Variants in GRP observed in about 807,000 individuals in gnomAD.
GRP encodes the protein gastrin-releasing peptide.
GRP carries 11 observed loss-of-function variants against 12.7 expected under a neutral mutation model. The observed-to-expected ratio is 0.87, with a 90% confidence interval of 0.55 to 1.44. GRP has a LOEUF of 1.44. Ranked by LOEUF, GRP falls within the 40% of genes most tolerant of loss-of-function variation. The pLI, the probability that GRP is intolerant of heterozygous loss-of-function variation, is 0.00. For synonymous variants in GRP, 84 were observed against 77.7 expected (o/e 1.08, Z -0.43); for missense variants, 212 against 185.4 (o/e 1.14, Z -0.83).
chr18:59,222,669 A>G (rs1267945179), intron 1 of GRP, among the ~76,000 whole-genome samples: 1 of 152,222 alleles, frequency 6.6e-6, no homozygotes, highest in Non-Finnish European at 1.5e-5. Context: ...TTTAGTTTTA[A>G]TTATATAAAA....
At chr18:59,224,210 G>A (rs2069878569) in intron 1 of GRP, among the ~76,000 whole-genome samples, 1 of 152,124 alleles carries the variant, frequency 6.6e-6, no homozygotes. Context: ...TCCTAAAATA[G>A]TTGCTTACAT....
Position 59,230,472 on chromosome 18 carries a change from T to C in GRP, c.*4T>C, listed in dbSNP as rs777641609. ...CCCCCAGCTGAACCAGCAATGATAA[T>C]GATGGCCTCTCTCAAAAGAGAAAAA... On this transcript the variant is annotated 3_prime_UTR_variant, in exon 3 of 3. Coordinates refer to ENST00000256857, the MANE Select transcript of GRP (RefSeq NM_002091.5). 7.8e-6 allele frequency: 12 copies of C among 1,545,882 alleles called. No homozygotes were observed. The highest frequency in any genetic ancestry group is 2.2e-5 in the East Asian group (1 of 44,598).
chr18:59,221,800 C>T (rs2069840281), intron 1 of GRP, among the ~76,000 whole-genome samples: 2 of 152,036 alleles, frequency 1.3e-5, no homozygotes, highest in African/African-American at 2.4e-5. Context: ...TGAGGGAAGT[C>T]GAGATCTTTG....
intron 2 of GRP, among the ~76,000 whole-genome samples, chr18:59,227,024 T>TCTTCCTTC: frequency 6.9e-6 from 1 of 145,308 alleles, no homozygotes; most frequent in East Asian, 2.0e-4. Context: ...TTTCTTTCTT[T>TCTTCCTTC]CTTTCTTTCT....
At position 59,220,316 on chromosome 18, in the gene GRP, G is replaced by A. The variant is rs1042431; in HGVS notation, c.51G>A (p.Leu17=). Residue 17 remains leucine, a synonymous_variant, in exon 1 of 3, where the codon CTG becomes CTA. Coordinates refer to ENST00000256857, the MANE Select transcript of GRP (RefSeq NM_002091.5). ...PLVLLALVLC[L]APRGRAVPLP... ...TCCTGCTGGCGCTGGTCCTCTGCCT[G>A]GCGCCCCGGGGGCGAGCGGTCCCGC... 1 of 1,500,732 alleles carries A rather than the reference G, an allele frequency of 6.7e-7. No individual in the cohort carries two copies. Among genetic ancestry groups the A allele is most frequent in the Admixed American group, 2.1e-5 (1 of 47,344 alleles). 93.0% of individuals were successfully genotyped at this position (1,500,732 alleles called of 1,614,324 possible). A position where few individuals can be genotyped will look rare whatever the true frequency, so the allele number is the denominator to read the frequency against.
chr18:59,230,299 C>A (rs2070011211), intron 2 of GRP, 105 bp from the exon 3 acceptor site: 1 of 742,548 alleles, frequency 1.3e-6, no homozygotes, highest in African/African-American at 1.7e-5. Flanking sequence ...ATTTGCCTTT[C>A]TAACAAGCTC....
At chr18:59,220,478 C>T in intron 1 of GRP, 74 bp downstream of exon 1, 1 of 1,258,402 alleles carries the variant, frequency 7.9e-7, no homozygotes, top group Non-Finnish European at 1.0e-6. Flanking sequence ...CCTGTCTCCC[C>T]ATTTCTTTGC....
At position 59,230,288 on chromosome 18, in the gene GRP, A is replaced by T. The variant is rs780077629; in HGVS notation, c.383-116A>T. On this transcript the variant is annotated intron_variant, in intron 2 of 2. Coordinates refer to ENST00000256857, the MANE Select transcript of GRP (RefSeq NM_002091.5). ...TTAGTAGGTGTTAGGCTGAACCAAG[A>T]ATTTGCCTTTCTAACAAGCTCCCAA... 4.7e-4 allele frequency: 331 copies of T among 702,958 alleles called. 2 individuals are homozygous for T. Among genetic ancestry groups the T allele is most frequent in the Non-Finnish European group, 1.0e-4 (40 of 387,720 alleles). The allele number at this position is 702,958 out of a possible 1,614,324, so 43.5% of individuals were successfully genotyped here.
chr18:59,220,269 C>G lies in GRP; in HGVS notation c.4C>G (p.Arg2Gly), dbSNP rs1433318595. M[R>G]GRELPLVLLA... Reference sequence around the variant, plus strand: ...CCAAGGGCTTCCCGTCGGGACCATGCGCGGCCGTGAGCTCCCGCTGGTCCT... The same window carrying G: ...CCAAGGGCTTCCCGTCGGGACCATGGGCGGCCGTGAGCTCCCGCTGGTCCT... The change falls in exon 1 of 3, where the codon CGC becomes GGC. Residue 2 changes from arginine to glycine, a missense_variant. By Grantham distance (125) the Arg-to-Gly change is moderately radical. Coordinates refer to ENST00000256857, the MANE Select transcript of GRP (RefSeq NM_002091.5). 6.7e-6 allele frequency: 10 copies of G among 1,502,392 alleles called. No homozygotes were observed. The highest frequency in any genetic ancestry group is 8.8e-6 in the Non-Finnish European group (10 of 1,130,348). The allele number at this position is 1,502,392 out of a possible 1,614,324, so 93.1% of individuals were successfully genotyped here. A position where few individuals can be genotyped will look rare whatever the true frequency, so the allele number is the denominator to read the frequency against.
chr18:59,224,273 C>G (rs142994257), intron 1 of GRP, among the ~76,000 whole-genome samples: 1 of 152,146 alleles, frequency 6.6e-6, no homozygotes, highest in African/African-American at 2.4e-5. Flanking sequence ...GCATATGGAT[C>G]AAATGAAATC....
chr18:59,230,311 C>T (rs776860499), intron 2 of GRP, 93 bp from the exon 3 acceptor site: 43 of 793,942 alleles, frequency 5.4e-5, no homozygotes, highest in Non-Finnish European at 9.2e-5. Flanking sequence ...AACAAGCTCC[C>T]AAGTGATGCT....
chr18:59,230,183 C>G (rs543353687), intron 2 of GRP, among the ~76,000 whole-genome samples: 1 of 152,270 alleles, frequency 6.6e-6, no homozygotes, highest in African/African-American at 2.4e-5. Context: ...AGCTCTGGTT[C>G]TCAAATTTTA....
At chr18:59,220,461 GA>G in intron 1 of GRP, 57 bp downstream of exon 1, 1 of 1,307,146 alleles carries the variant, frequency 7.7e-7, no homozygotes, top group Non-Finnish European at 9.8e-7. Flanking sequence ...CAGCCAGCCG[GA>G]GGGGACCTGT....
chr18:59,220,437 G>T (rs1473685716), intron 1 of GRP, 33 bp downstream of exon 1: 2 of 1,336,910 alleles, frequency 1.5e-6, no homozygotes, highest in South Asian at 3.7e-5. Flanking sequence ...CCGCGCGCTT[G>T]TCCTCCTCTG....
At chr18:59,227,012 T>TCTTTCTTC (rs2069940020) in intron 2 of GRP, among the ~76,000 whole-genome samples, 1 of 130,272 alleles carries the variant, frequency 7.7e-6, no homozygotes, top group Non-Finnish European at 1.7e-5. Flanking sequence ...TTTCTTTCTT[T>TCTTTCTTC]CTTTCTTTCT....
intron 2 of GRP, among the ~76,000 whole-genome samples, chr18:59,226,842 C>A (rs757670269): frequency 7.9e-5 from 12 of 152,232 alleles, no homozygotes; most frequent in Non-Finnish European, 1.5e-4. Context: ...GGGCTCAGAG[C>A]TGCCTTTGCC....
At chr18:59,230,339 G>C in intron 2 of GRP, 65 bp from the exon 3 acceptor site, 1 of 916,770 alleles carries the variant, frequency 1.1e-6, no homozygotes, top group Middle Eastern at 2.1e-4. Flanking sequence ...TGTAGGAATG[G>C]ATTTACTTCT....
intron 2 of GRP, among the ~76,000 whole-genome samples, chr18:59,229,648 C>A (rs914975316): frequency 9.2e-5 from 14 of 152,118 alleles, no homozygotes; most frequent in African/African-American, 3.1e-4. Flanking sequence ...ATCTGAATTG[C>A]CAGAGAATCT....
chr18:59,221,322 T>C (rs1349791465), intron 1 of GRP, among the ~76,000 whole-genome samples: 2 of 151,762 alleles, frequency 1.3e-5, no homozygotes, highest in African/African-American at 4.8e-5. Context: ...GCGGGTGGGG[T>C]CAGGATTCCG....
Sources: allele counts gnomAD v4.1 joint callset (sites outside exome capture counted in the v4.1 genomes callset), GRCh38; gene constraint gnomAD v4.1.1; transcripts MANE v1.5; gene names NCBI Gene and HGNC (gene_info 2026-07-23, HGNC 2026-07-21).